Variants in MCPH1 observed in about 807,000 individuals in gnomAD.
MCPH1 encodes microcephalin 1.
In MCPH1, 104 loss-of-function variants were observed where a neutral mutation model predicts 84.5. The observed-to-expected ratio is 1.23, with a 90% CI of 1.05 to 1.45. The LOEUF (loss-of-function observed/expected upper bound fraction) is 1.45. MCPH1 is among the 40% of genes most tolerant of loss of function. The pLI, the probability that MCPH1 is intolerant of heterozygous loss-of-function variation, is 0.00. For missense variants in MCPH1, 1,498 were observed against 1,005.7 expected (o/e 1.49, Z -6.62); for synonymous variants, 514 against 366.8 (o/e 1.40, Z -4.58).
chr8:6,412,710 G>A (rs1341651014), intron 2 of MCPH1, among the ~76,000 whole-genome samples: 6 of 152,182 alleles, frequency 3.9e-5, no homozygotes, highest in African/African-American at 1.2e-4. Flanking sequence ...TGGGAAGATG[G>A]TCTCAAATGC....
At chr8:6,633,282 A>G (rs1230312930) in intron 13 of MCPH1, among the ~76,000 whole-genome samples, 33 of 152,252 alleles carry the variant, frequency 2.2e-4, no homozygotes, top group Admixed American at 2.2e-3. Context: ...TTGTCTACAT[A>G]GAAACATCAA....
At chr8:6,634,333 G>A (rs555345406) in intron 13 of MCPH1, among the ~76,000 whole-genome samples, 1 of 152,224 alleles carries the variant, frequency 6.6e-6, no homozygotes, top group Non-Finnish European at 1.5e-5. Flanking sequence ...GAAACTCATT[G>A]ACGAGTTTGC....
chr8:6,586,472 C>T (rs1041329413), intron 12 of MCPH1, among the ~76,000 whole-genome samples: 2 of 152,210 alleles, frequency 1.3e-5, no homozygotes, highest in Non-Finnish European at 2.9e-5. Context: ...CTTGCTGATG[C>T]AGCCTCTGTA....
At chr8:6,445,897 G>A in intron 8 of MCPH1, 2 of 1,013,364 alleles carry the variant, frequency 2.0e-6, no homozygotes, top group African/African-American at 3.4e-5. Context: ...GTGTAAAGAT[G>A]TATACGATAG....
intron 11 of MCPH1, among the ~76,000 whole-genome samples, chr8:6,486,262 ATCTCTCTCTCTCTC>A (rs56247663): frequency 2.7e-5 from 4 of 147,090 alleles, no homozygotes; most frequent in Non-Finnish European, 6.0e-5. Context: ...TGTACAAGGA[ATCTCTCTCTCTCTC>A]TCTCTCTCTC....
chr8:6,513,048 C>T (rs1049029217), intron 12 of MCPH1, among the ~76,000 whole-genome samples: 10 of 152,214 alleles, frequency 6.6e-5, no homozygotes, highest in African/African-American at 1.2e-4. Flanking sequence ...ATTCATGTGA[C>T]ATATTATCAT....
chr8:6,601,524 C>CACACAA (rs1188071353), intron 12 of MCPH1, among the ~76,000 whole-genome samples: 1 of 134,088 alleles, frequency 7.5e-6, no homozygotes, highest in Non-Finnish European at 1.6e-5. Context: ...TCATATGGGA[C>CACACAA]ACACACACAC....
At chr8:6,425,756 G>A (rs533237341) in intron 3 of MCPH1, among the ~76,000 whole-genome samples, 35 of 152,276 alleles carry the variant, frequency 2.3e-4, no homozygotes, top group African/African-American at 7.7e-4. Flanking sequence ...TCTGCTCCTC[G>A]GTTTTCTGTG....
intron 9 of MCPH1, among the ~76,000 whole-genome samples, chr8:6,469,525 A>G (rs371952159): frequency 2.6e-5 from 4 of 152,332 alleles, no homozygotes; most frequent in South Asian, 4.1e-4. Flanking sequence ...TTATATAAAT[A>G]TATGATTCTG....
intron 13 of MCPH1, among the ~76,000 whole-genome samples, chr8:6,641,398 A>G (rs543995079): frequency 2.6e-5 from 4 of 152,252 alleles, no homozygotes; most frequent in Non-Finnish European, 4.4e-5. Flanking sequence ...AAGTGTTGAT[A>G]TAATTTGAAT....
chr8:6,442,037 T>C (rs376998674), intron 6 of MCPH1, 30 bp from the exon 7 acceptor site: 1 of 1,475,444 alleles, frequency 6.8e-7, no homozygotes, highest in Middle Eastern at 1.7e-4. Context: ...TGAAACTTTA[T>C]CTAATGCAGT....
intron 12 of MCPH1, among the ~76,000 whole-genome samples, chr8:6,601,276 T>C (rs1409984402): frequency 1.3e-5 from 2 of 152,198 alleles, no homozygotes; most frequent in Non-Finnish European, 2.9e-5. Flanking sequence ...CAGGGCACCC[T>C]GTGCTTCCCA....
intron 3 of MCPH1, among the ~76,000 whole-genome samples, chr8:6,425,762 CTG>C (rs1274683791): frequency 6.6e-6 from 1 of 152,190 alleles, no homozygotes; most frequent in Admixed American, 6.5e-5. Context: ...CCTCGGTTTT[CTG>C]TGTTGTGCAA....
At chr8:6,437,126 A>G (rs1373001828) in intron 5 of MCPH1, among the ~76,000 whole-genome samples, 1 of 152,188 alleles carries the variant, frequency 6.6e-6, no homozygotes, top group African/African-American at 2.4e-5. Flanking sequence ...ATTCCTAGGA[A>G]GCATTAATTC....
chr8:6,555,518 A>G (rs1172318445), intron 12 of MCPH1, among the ~76,000 whole-genome samples: 2 of 149,788 alleles, frequency 1.3e-5, no homozygotes, highest in African/African-American at 5.0e-5. Context: ...CTGGAGTACT[A>G]TGGTGCCATC....
intron 12 of MCPH1, among the ~76,000 whole-genome samples, chr8:6,595,232 C>T (rs974509145): frequency 6.6e-6 from 1 of 152,146 alleles, no homozygotes; most frequent in Non-Finnish European, 1.5e-5. Context: ...GGCAAGGATC[C>T]CTGTCCACAT....
At chr8:6,428,358 A>G (rs1212717917) in intron 3 of MCPH1, among the ~76,000 whole-genome samples, 1 of 152,170 alleles carries the variant, frequency 6.6e-6, no homozygotes, top group Non-Finnish European at 1.5e-5. Context: ...TTTCAGCTCC[A>G]TTATAATCTT....
chr8:6,429,972 T>C (rs185808019), intron 3 of MCPH1, among the ~76,000 whole-genome samples: 2 of 152,188 alleles, frequency 1.3e-5, no homozygotes, highest in African/African-American at 4.8e-5. Context: ...GTCTCCTAAG[T>C]TGCATTCATT....
intron 12 of MCPH1, among the ~76,000 whole-genome samples, chr8:6,549,160 A>G (rs527601710): frequency 1.3e-5 from 2 of 152,220 alleles, no homozygotes; most frequent in African/African-American, 4.8e-5. Flanking sequence ...AAAATGATAC[A>G]TGGGTTTGTA....
Sources: gnomAD v4.1 joint callset for allele counts (sites outside exome capture counted in the v4.1 genomes callset) on GRCh38, gnomAD v4.1.1 for gene constraint, MANE v1.5 for transcripts, NCBI Gene and HGNC (gene_info 2026-07-23, HGNC 2026-07-21) for gene names.